The following NMI variants were observed in gnomAD, a reference collection of about 807,000 sequenced individuals.
NMI encodes N-myc-interactor.
A neutral mutation model predicts 34.3 loss-of-function variants in NMI; 39 were observed. The observed-to-expected ratio is 1.14, with a 90% CI of 0.88 to 1.49. The LOEUF (loss-of-function observed/expected upper bound fraction) is 1.49, where lower values mean the gene tolerates loss of function less well. NMI is among the 40% of genes most tolerant of loss of function. NMI has a pLI of 0.00. For missense variants in NMI, 339 were observed against 358.1 expected (o/e 0.95, Z 0.43); for synonymous variants, 113 against 120.3 (o/e 0.94, Z 0.40).
rs1683189981 is a variant in NMI at position 151,271,675 on chromosome 2, T to C, written c.692A>G (p.His231Arg). The part of the protein sequence containing the change: ...EYPLYINQTC[H>R]RVTVSPYTEI... ...TGTGTATGGAGAAACAGTAACTCTA[T>C]GGCAGGTTTGATTTATATAAAGAGG... The change falls in exon 7 of 8, where the codon CAT becomes CGT. Residue 231 changes from histidine (H) to arginine (R), a missense_variant. His to Arg is a conservative substitution (Grantham distance 29). Coordinates refer to ENST00000243346, the MANE Select transcript of NMI (RefSeq NM_004688.3). 3 of 1,590,770 alleles carry C rather than the reference T, an allele frequency of 1.9e-6. No individual in the cohort carries two copies. Among genetic ancestry groups the C allele is most frequent in the Admixed American group, 1.7e-5 (1 of 59,448 alleles).
chr2:151,286,116 G>T (rs756566479), intron 1 of NMI, among the ~76,000 whole-genome samples: 33 of 152,270 alleles, frequency 2.2e-4, no homozygotes, highest in South Asian at 6.2e-4. Flanking sequence ...TTATACTGGA[G>T]AAGTCTGGCA....
chr2:151,274,594 G>GC (rs1683254542), intron 6 of NMI, among the ~76,000 whole-genome samples: 2 of 149,998 alleles, frequency 1.3e-5, no homozygotes, highest in Non-Finnish European at 3.0e-5. Flanking sequence ...TCCTGCCTGA[G>GC]CCCCCCGAGT....
At position 151,281,943 on chromosome 2, in the gene NMI, A is replaced by G. The variant is rs777812362; in HGVS notation, c.177+5T>C. On this transcript the variant is annotated splice_donor_5th_base_variant and intron_variant, in intron 3 of 7. Transcript: ENST00000243346. ...ATGTAGTATATAAAATAATTAAGAG[A>G]GTACCTGGAATTCTTTGGTAGCCTC... 3.2e-5 allele frequency: 44 copies of G among 1,384,360 alleles called. No homozygotes were observed. Among genetic ancestry groups the G allele is most frequent in the Middle Eastern group, 1.8e-4 (1 of 5,640 alleles). The allele number at this position is 1,384,360 out of a possible 1,614,324, so 85.8% of individuals were successfully genotyped here.
At chr2:151,280,898 A>G (rs1412331535) in intron 3 of NMI, among the ~76,000 whole-genome samples, 1 of 151,624 alleles carries the variant, frequency 6.6e-6, no homozygotes, top group Admixed American at 6.6e-5. Flanking sequence ...GCTGGAGCAC[A>G]GTGGTGTGAT....
chr2:151,275,788 T>A lies in NMI; in HGVS notation c.417A>T (p.Pro139=), dbSNP rs369494426. The change falls in exon 5 of 8, where the codon CCA becomes CCT. Residue 139 remains proline (P), a synonymous_variant. Transcript: ENST00000243346. Reference sequence around the variant, plus strand: ...ATCTGACTCCTGAATTTAATGGAACTGGCTTGGCCGTAACCTCCAGATTTA... The same window carrying A: ...ATCTGACTCCTGAATTTAATGGAACAGGCTTGGCCGTAACCTCCAGATTTA... The part of the protein sequence containing the change: ...KDVNLEVTAK[P]VPLNSGVRFQ... The A allele has an allele frequency of 3.1e-6, 5 of 1,613,680 alleles. No homozygotes were observed. The African/African-American group carries it at 6.7e-5, about 22-fold the overall frequency.
chr2:151,272,132 A>C (rs752749592), intron 6 of NMI, among the ~76,000 whole-genome samples: 25 of 151,506 alleles, frequency 1.7e-4, no homozygotes, highest in Non-Finnish European at 2.8e-4. Context: ...TACTATATAC[A>C]TTTTTTTCAA....
At chr2:151,276,388 A>T (rs1485775845) in intron 4 of NMI, among the ~76,000 whole-genome samples, 3 of 152,194 alleles carry the variant, frequency 2.0e-5, no homozygotes, top group African/African-American at 7.2e-5. Flanking sequence ...GTCAAAGTAT[A>T]TCAGCAAAAT....
intron 3 of NMI, 99 bp downstream of exon 3, chr2:151,281,849 T>C (rs760145560): frequency 5.5e-5 from 38 of 695,514 alleles, no homozygotes; most frequent in Non-Finnish European, 8.2e-5. Flanking sequence ...CCATGGATGA[T>C]GATAAGGTTT....
At chr2:151,282,128 C>A in intron 2 of NMI, 85 bp from the exon 3 acceptor site, 2 of 650,128 alleles carry the variant, frequency 3.1e-6, no homozygotes, top group Non-Finnish European at 2.7e-6. Flanking sequence ...AAATTTCTCT[C>A]ATCCTGACCA....
At chr2:151,278,551 G>A (rs994244140) in intron 4 of NMI, 2 of 364,730 alleles carry the variant, frequency 5.5e-6, no homozygotes, top group Non-Finnish European at 1.0e-5. Context: ...TTATTTGGAG[G>A]TAGCATGTGG....
chr2:151,279,519 C>G (rs1683350752), intron 3 of NMI, among the ~76,000 whole-genome samples: 1 of 152,094 alleles, frequency 6.6e-6, no homozygotes, highest in Admixed American at 6.6e-5. Context: ...ACTCTGTTGC[C>G]AGGCTGGAGT....
chr2:151,276,457 T>C (rs1347985799), intron 4 of NMI, among the ~76,000 whole-genome samples: 3 of 152,184 alleles, frequency 2.0e-5, no homozygotes, highest in Non-Finnish European at 4.4e-5. Context: ...TTTTCTCTTA[T>C]CTCTTAAGAG....
Position 151,270,557 on chromosome 2 carries a change from A to C in NMI, c.*136T>G. The C allele has an allele frequency of 7.4e-6, 5 of 673,340 alleles. No individual in the cohort carries two copies. In the South Asian group the frequency reaches 1.1e-4, roughly 14 times the overall value. 41.7% of individuals were successfully genotyped at this position (673,340 alleles called of 1,614,324 possible). ...AACAAAGAAGATTCAGAAACATGGA[A>C]ATAAGTTTTGTATCTAAACATAAAT... On this transcript the variant is annotated 3_prime_UTR_variant, in exon 8 of 8. Transcript: ENST00000243346.
rs1274770639 is a variant in NMI, at chr2:151,278,913, A to G, written c.255T>C (p.Asn85=). The G allele has an allele frequency of 6.2e-7, 1 of 1,612,400 alleles. No individual in the cohort carries two copies. The highest frequency in any genetic ancestry group is 1.3e-5 in the African/African-American group (1 of 74,918). Reference sequence around the variant, plus strand: ...AGCTCACTTGAAACGAACAGGAGATATTTGACAACTGGCTGTCATTCTCAG... The same window carrying G: ...AGCTCACTTGAAACGAACAGGAGATGTTTGACAACTGGCTGTCATTCTCAG... ...ETPENDSQLS[N]ISCSFQVSSK... The change falls in exon 4 of 8, where the codon AAT becomes AAC. Residue 85 remains asparagine, a synonymous_variant. Transcript: ENST00000243346.
intron 6 of NMI, 39 bp from the exon 7 acceptor site, chr2:151,271,771 T>C (rs1405890954): frequency 1.0e-6 from 1 of 990,242 alleles, no homozygotes; most frequent in Non-Finnish European, 1.6e-6. Flanking sequence ...CTTTTTTATA[T>C]CATAAGCATT....
chr2:151,278,791 C>T (rs973364428), intron 4 of NMI, 37 bp downstream of exon 4: 27 of 1,537,274 alleles, frequency 1.8e-5, no homozygotes, highest in Non-Finnish European at 2.2e-5. Flanking sequence ...AAGTGCTTTC[C>T]AAATAACATG....
chr2:151,277,750 A>G (rs1683315055), intron 4 of NMI: 1 of 152,152 alleles, frequency 6.6e-6, no homozygotes, highest in African/African-American at 2.4e-5. Flanking sequence ...GCCTTTCAAC[A>G]TTTATTTTCA....
rs1380673831 is a variant in NMI at position 151,270,876 on chromosome 2, C to T, written c.742-1G>A. 2 of 1,604,154 alleles carry T rather than the reference C, an allele frequency of 1.2e-6. No individual in the cohort carries two copies. Among genetic ancestry groups the T allele is most frequent in the African/African-American group, 1.3e-5 (1 of 74,388 alleles). Reference sequence around the variant, plus strand: ...TCCTCTTAGATGTTCCTGAAAATATCTAAGAAGGAAAAAATGATAAATAGA... The same window carrying T: ...TCCTCTTAGATGTTCCTGAAAATATTTAAGAAGGAAAAAATGATAAATAGA... On this transcript the variant is annotated splice_acceptor_variant, in intron 7 of 7. Transcript: ENST00000243346. LOFTEE classifies it high-confidence loss of function.
intron 1 of NMI, among the ~76,000 whole-genome samples, chr2:151,287,490 A>T (rs59255371): frequency 0.13 from 19,115 of 152,042 alleles, 1,557 homozygotes; most frequent in South Asian, 0.25. Context: ...CCCTAACCAC[A>T]CTGAACACTT....
Sources: allele counts gnomAD v4.1 joint callset (sites outside exome capture counted in the v4.1 genomes callset), GRCh38; gene constraint gnomAD v4.1.1; transcripts MANE v1.5; gene names NCBI Gene and HGNC (gene_info 2026-07-23, HGNC 2026-07-21).